The following GAS6 variants were observed in gnomAD, a reference collection of about 807,000 sequenced individuals.
The protein encoded by GAS6 is growth arrest-specific protein 6.
A neutral mutation model predicts 75.8 loss-of-function variants in GAS6; 41 were observed. The ratio of observed to expected loss-of-function variants is 0.54; its 90% CI spans 0.42 to 0.70. GAS6 has a LOEUF of 0.70. GAS6 is among the 30% of genes least tolerant of loss of function. GAS6 has a pLI of 0.00. For synonymous variants in GAS6, 432 were observed against 412.6 expected, an observed-to-expected ratio of 1.05 and a Z score of -0.57; for missense variants, 854 against 940.2, an observed-to-expected ratio of 0.91 and a Z score of 1.20.
At chr13:113,834,111 A>G (rs1349443034) in intron 8 of GAS6, among the ~76,000 whole-genome samples, 1 of 144,930 alleles carries the variant, frequency 6.9e-6, no homozygotes, top group African/African-American at 2.6e-5. Context: ...ATGCTGTGAT[A>G]GGCCCCGGTG....
intron 8 of GAS6, among the ~76,000 whole-genome samples, chr13:113,833,927 A>C (rs1168027416): frequency 2.1e-5 from 3 of 145,776 alleles, no homozygotes; most frequent in Non-Finnish European, 3.0e-5. Flanking sequence ...TGTGACAGGC[A>C]CCAGTGTGAC....
At chr13:113,823,129 A>G (rs1486256034) in intron 13 of GAS6, 3 of 449,380 alleles carry the variant, frequency 6.7e-6, no homozygotes, top group African/African-American at 2.0e-5. Context: ...AAGCTCCCAC[A>G]CTGTGAGCCG....
intron 2 of GAS6, among the ~76,000 whole-genome samples, chr13:113,860,101 C>G (rs776294513): frequency 6.6e-6 from 1 of 152,212 alleles, no homozygotes; most frequent in Non-Finnish European, 1.5e-5. Flanking sequence ...CGGAGAATTC[C>G]TCACCACCAG....
At position 113,837,946 on chromosome 13, in the gene GAS6, G is replaced by T. The variant is rs1240624551; in HGVS notation, c.589+123C>A. On this transcript the variant is annotated intron_variant, in intron 6 of 14. Coordinates refer to ENST00000327773, the MANE Select transcript of GAS6 (RefSeq NM_000820.4). The surrounding 1 kb of genome is among the most constrained non-coding windows in gnomAD (Gnocchi z 5.1). Reference sequence around the variant, plus strand: ...TGGGCTTGTGTAGTCTCTGCAGGATGCCCCATCCCATCCAGAACCACAGGA... The same window carrying T: ...TGGGCTTGTGTAGTCTCTGCAGGATTCCCCATCCCATCCAGAACCACAGGA... 2 of 1,173,896 alleles carry T rather than the reference G, an allele frequency of 1.7e-6. No homozygotes were observed. The highest frequency in any genetic ancestry group is 1.5e-5 in the African/African-American group (1 of 65,788). 72.7% of individuals were successfully genotyped at this position (1,173,896 alleles called of 1,614,324 possible).
chr13:113,828,607 C>G lies in GAS6; in HGVS notation c.1248G>C (p.Leu416=). 1.2e-6 allele frequency: 2 copies of G among 1,613,648 alleles called. No individual in the cohort carries two copies. The highest frequency in any genetic ancestry group is 1.7e-6 in the Non-Finnish European group (2 of 1,179,998). ...CTCCCACGGTCAGGTTCAGATGATA[C>G]AGTCCTCGCTCCGGTTGGAACAAGT... ...AGDLFQPERG[L]YHLNLTVGGI... is the part of the protein sequence containing the mutation. Residue 416 remains leucine (L), a synonymous_variant, in exon 11 of 15, where the codon CTG becomes CTC. Coordinates refer to ENST00000327773, the MANE Select transcript of GAS6 (RefSeq NM_000820.4).
chr13:113,861,692 T>C lies in GAS6; in HGVS notation c.255+1883A>G, dbSNP rs1235161748. Among the ~76,000 whole-genome samples the C allele has an allele frequency of 2.0e-5, 3 of 152,146 alleles. No homozygotes were observed. The East Asian group carries it at 5.8e-4, about 29-fold the overall frequency. ...GCCGGCTGGGACTCAAGCCAGCCTC[T>C]GGACCCTGCCCCTGCCCCTGCCCCA... is the stretch of plus-strand genomic sequence containing the variant. On this transcript the variant is annotated intron_variant, in intron 2 of 14. Transcript: ENST00000327773.
rs1402749388 is a variant in GAS6 at position 113,823,567 on chromosome 13, G to A, written c.1478-17C>T. ...GGGTCCGCACTGCAATGAAAGCGGTGCATTATAGGGTGGTATGCACGGTGG... is the reference window on the plus strand; with the variant it reads ...GGGTCCGCACTGCAATGAAAGCGGTACATTATAGGGTGGTATGCACGGTGG... On this transcript the variant is annotated splice_polypyrimidine_tract_variant and intron_variant, in intron 12 of 14. Transcript: ENST00000327773. The A allele has an allele frequency of 2.5e-6, 4 of 1,600,872 alleles. No homozygotes were observed. Among genetic ancestry groups the A allele is most frequent in the East Asian group, 2.2e-5 (1 of 44,584 alleles).
Position 113,844,143 on chromosome 13 carries a change from T to TGGCCTGGGGCA in GAS6, c.343+2373_343+2383dup, listed in dbSNP as rs2051814412. The stretch of plus-strand genomic sequence containing the variant: ...GCTCAGGGAGAGTGGCCGGAGCTTC[T>TGGCCTGGGGCA]GGCCTGGGGCAGGTGGACCCGTTAG... On this transcript the variant is annotated intron_variant, in intron 4 of 14. Coordinates refer to ENST00000327773, the MANE Select transcript of GAS6 (RefSeq NM_000820.4). This position sits in a 1 kb window ranked among gnomAD's most constrained non-coding sequence, Gnocchi z 5.7. 1 of 150,806 alleles carries TGGCCTGGGGCA rather than the reference T, an allele frequency of 6.6e-6. No homozygotes were observed. The highest frequency in any genetic ancestry group is 2.5e-5 in the African/African-American group (1 of 40,170). 9.3% of individuals were successfully genotyped at this position (150,806 alleles called of 1,614,324 possible).
intron 3 of GAS6, 37 bp downstream of exon 3, chr13:113,847,989 C>T: frequency 1.9e-6 from 3 of 1,600,000 alleles, no homozygotes; most frequent in Non-Finnish European, 2.6e-6. Context: ...AACTATGCCT[C>T]TACGACAACC....
At position 113,820,691 on chromosome 13, in the gene GAS6, T is replaced by C. The variant is rs1389229713; in HGVS notation, c.*173A>G. 40 of 748,818 alleles carry C rather than the reference T, an allele frequency of 5.3e-5. No homozygotes were observed. In the East Asian group the frequency reaches 9.3e-4, roughly 17 times the overall value. 46.4% of individuals were successfully genotyped at this position (748,818 alleles called of 1,614,324 possible). On this transcript the variant is annotated 3_prime_UTR_variant, in exon 15 of 15. Transcript: ENST00000327773. ...CCCCGCGCCCGGGCCCACGGCTGAGTGCGCGGCGTCAGAGGCCCCAAGTCC... is the reference window on the plus strand; with the variant it reads ...CCCCGCGCCCGGGCCCACGGCTGAGCGCGCGGCGTCAGAGGCCCCAAGTCC...
In GAS6 at chr13:113,844,447, T is replaced by C. The variant is rs7319547; in HGVS notation, c.343+2080A>G. The C allele has an allele frequency of 0.19, 28,435 of 150,070 alleles. 4,652 individuals are homozygous for C. Among genetic ancestry groups the C allele is most frequent in the African/African-American group, 0.37 (14,738 of 39,618 alleles). The allele number at this position is 150,070 out of a possible 1,614,324, so 9.3% of individuals were successfully genotyped here. ...TTGCTGCAAATAGCCAGAAGTGAACTGAGCAAAGGAAGCACGGGACGCACA... is the reference window on the plus strand; with the variant it reads ...TTGCTGCAAATAGCCAGAAGTGAACCGAGCAAAGGAAGCACGGGACGCACA... On this transcript the variant is annotated intron_variant, in intron 4 of 14. Coordinates refer to ENST00000327773, the MANE Select transcript of GAS6 (RefSeq NM_000820.4). This position sits in a 1 kb window ranked among gnomAD's most constrained non-coding sequence, Gnocchi z 5.7.
chr13:113,860,482 G>A (rs1407418634), intron 2 of GAS6, among the ~76,000 whole-genome samples: 1 of 152,120 alleles, frequency 6.6e-6, no homozygotes, highest in Non-Finnish European at 1.5e-5. Context: ...ATCAAGGGGT[G>A]ATTATGGAGA....
In GAS6 at chr13:113,820,583, A is replaced by C; in HGVS notation, c.*281T>G. The C allele has an allele frequency of 4.6e-6, 2 of 432,412 alleles. No individual in the cohort carries two copies. Among genetic ancestry groups the C allele is most frequent in the Non-Finnish European group, 8.3e-6 (2 of 242,252 alleles). 26.8% of individuals were successfully genotyped at this position (432,412 alleles called of 1,614,324 possible). A position where few individuals can be genotyped will look rare whatever the true frequency, so the allele number is the denominator to read the frequency against. The stretch of plus-strand genomic sequence containing the variant: ...TTTCTGTAAATATTTTATTTTCCAT[A>C]TTTTAGAGTCAGAAAGAAGCGCTTG... On this transcript the variant is annotated 3_prime_UTR_variant, in exon 15 of 15. Transcript: ENST00000327773.
In GAS6 at chr13:113,837,432, G is replaced by C. The variant is rs2051728975; in HGVS notation, c.589+637C>G. 6.6e-6 allele frequency among the ~76,000 whole-genome samples: 1 copy of C among 152,088 alleles called. No individual in the cohort carries two copies. The highest frequency in any genetic ancestry group is 6.5e-5 in the Admixed American group (1 of 15,280). On this transcript the variant is annotated intron_variant, in intron 6 of 14. Transcript: ENST00000327773. The surrounding 1 kb of genome is among the most constrained non-coding windows in gnomAD (Gnocchi z 5.1). ...GCCAGAAACTCTCAGGGACACGCCT[G>C]GGCATGTCCAGATACAACGTGGGGA...
Position 113,837,174 on chromosome 13 carries a change from A to G in GAS6, c.589+895T>C, listed in dbSNP as rs960267012. On this transcript the variant is annotated intron_variant, in intron 6 of 14. Coordinates refer to ENST00000327773, the MANE Select transcript of GAS6 (RefSeq NM_000820.4). This position sits in a 1 kb window ranked among gnomAD's most constrained non-coding sequence, Gnocchi z 5.1. ...GGCGGGGAAATGGGTTTATGTGTTA[A>G]GATGGGAATCACGTCATCTGCACAC... Among the ~76,000 whole-genome samples the G allele has an allele frequency of 6.6e-6, 1 of 151,980 alleles. No homozygotes were observed. The highest frequency in any genetic ancestry group is 2.4e-5 in the African/African-American group (1 of 41,318).
intron 8 of GAS6, chr13:113,833,273 G>A: frequency 9.6e-7 from 1 of 1,043,326 alleles, no homozygotes; most frequent in South Asian, 3.5e-5. Flanking sequence ...GGGTGAGCTG[G>A]ACATCTCGCA....
In GAS6 at chr13:113,835,900, G is replaced by C. The variant is rs1003216862; in HGVS notation, c.590-265C>G. On this transcript the variant is annotated intron_variant, in intron 6 of 14. Coordinates refer to ENST00000327773, the MANE Select transcript of GAS6 (RefSeq NM_000820.4). Reference sequence around the variant, plus strand: ...GAGCTGGGAAGGGCCCTGCTTGGTGGAGGGGTGGGGGGCGGCGGTGCACGC... The same window carrying C: ...GAGCTGGGAAGGGCCCTGCTTGGTGCAGGGGTGGGGGGCGGCGGTGCACGC... 1.6e-5 allele frequency: 21 copies of C among 1,310,974 alleles called. 1 individual carries two copies. Among genetic ancestry groups the C allele is most frequent in the Middle Eastern group, 2.9e-4 (1 of 3,422 alleles). The allele number at this position is 1,310,974 out of a possible 1,614,324, so 81.2% of individuals were successfully genotyped here.
rs557274900 is a variant in GAS6, at chr13:113,826,605, G to A, written c.1477+391C>T. On this transcript the variant is annotated intron_variant, in intron 12 of 14. Transcript: ENST00000327773. ...GGCCTCGCAGGCACCTTCTCTCCCC[G>A]GCCTCCCGGCGCCGGCCTCGCAGGC... 2.2e-3 allele frequency among the ~76,000 whole-genome samples: 74 copies of A among 33,036 alleles called. 3 individuals are homozygous for A. The highest frequency in any genetic ancestry group is 5.2e-3 in the East Asian group (3 of 582). 21.7% of individuals were successfully genotyped at this position (33,036 alleles called of 152,430 possible). A position where few individuals can be genotyped will look rare whatever the true frequency, so the allele number is the denominator to read the frequency against.
Position 113,837,842 on chromosome 13 carries a change from C to T in GAS6, c.589+227G>A, listed in dbSNP as rs1566364552. The stretch of plus-strand genomic sequence containing the variant: ...AGTGTGGCCTCATGGGCTGGGCCGG[C>T]CCCCTGAGTCCTGGCCCTCAGATGC... On this transcript the variant is annotated intron_variant, in intron 6 of 14. Transcript: ENST00000327773. The surrounding 1 kb of genome is among the most constrained non-coding windows in gnomAD (Gnocchi z 5.1). Among the ~76,000 whole-genome samples the T allele has an allele frequency of 6.6e-6, 1 of 152,126 alleles. No homozygotes were observed. The highest frequency in any genetic ancestry group is 1.5e-5 in the Non-Finnish European group (1 of 68,004).
Sources: allele counts gnomAD v4.1 joint callset (sites outside exome capture counted in the v4.1 genomes callset), GRCh38; gene constraint gnomAD v4.1.1; non-coding constraint Gnocchi (gnomAD v3.1); transcripts MANE v1.5; gene names NCBI Gene and HGNC (gene_info 2026-07-23, HGNC 2026-07-21).